The following EPHA5 variants were observed in gnomAD, a reference collection of about 807,000 sequenced individuals.
The protein encoded by EPHA5 is EPH receptor A5, also known as ephrin type-A receptor 5.
A neutral mutation model predicts 105.0 loss-of-function variants in EPHA5; 60 were observed. That is an observed-to-expected ratio of 0.57 (90% confidence interval 0.46 to 0.71). The LOEUF is 0.71. EPHA5 is among the 30% of genes least tolerant of loss of function. The pLI, the probability that EPHA5 is intolerant of heterozygous loss-of-function variation, is 0.00. For missense variants in EPHA5, 1,218 were observed against 1,274.7 expected, an observed-to-expected ratio of 0.96 and a Z score of 0.68; for synonymous variants, 513 against 449.1, an observed-to-expected ratio of 1.14 and a Z score of -1.80.
intron 8 of EPHA5, among the ~76,000 whole-genome samples, chr4:65,390,551 ACCTTACTAACCAT>A (rs1479930913): frequency 6.6e-6 from 1 of 151,934 alleles, no homozygotes; most frequent in African/African-American, 2.4e-5. Flanking sequence ...CTGTGGTCAT[ACCTTACTAACCAT>A]CAGTTAGATG....
intron 2 of EPHA5, among the ~76,000 whole-genome samples, chr4:65,620,240 A>C (rs1745599216): frequency 6.6e-6 from 1 of 151,908 alleles, no homozygotes; most frequent in Non-Finnish European, 1.5e-5. Flanking sequence ...AAAACAATCC[A>C]AAGAAGAAGC....
intron 2 of EPHA5, among the ~76,000 whole-genome samples, chr4:65,624,678 C>T (rs1311806320): frequency 1.3e-5 from 2 of 152,170 alleles, no homozygotes; most frequent in Admixed American, 1.3e-4. Context: ...ACAAAACTCT[C>T]TATTGGATTT....
At chr4:65,582,360 T>C (rs1476574021) in intron 3 of EPHA5, among the ~76,000 whole-genome samples, 5 of 151,464 alleles carry the variant, frequency 3.3e-5, no homozygotes, top group Non-Finnish European at 5.9e-5. Context: ...CGAGGGAAAC[T>C]GTGCATCAGA....
At position 65,527,755 on chromosome 4, in the gene EPHA5, C is replaced by A. The variant is rs114975555; in HGVS notation, c.911-32212G>T. Among the ~76,000 whole-genome samples, 746 of 152,062 alleles carry A rather than the reference C, an allele frequency of 4.9e-3. 4 individuals are homozygous for A. Among genetic ancestry groups the A allele is most frequent in the African/African-American group, 0.017 (710 of 41,508 alleles). ...GTTTGTTACACAGGTAAACTTGTGT[C>A]ATGGAGGGCTATCGTACAGGTCATT... On this transcript the variant is annotated intron_variant, in intron 3 of 16. Coordinates refer to ENST00000613740, the MANE Select transcript of EPHA5 (RefSeq NM_001281766.3).
intron 3 of EPHA5, among the ~76,000 whole-genome samples, chr4:65,585,122 G>T (rs1172786513): frequency 1.4e-5 from 2 of 141,402 alleles, no homozygotes; most frequent in African/African-American, 5.5e-5. Context: ...ATGTGTGTTT[G>T]TGTGTGTGTG....
chr4:65,586,318 A>G (rs1172687248), intron 3 of EPHA5, among the ~76,000 whole-genome samples: 1 of 151,736 alleles, frequency 6.6e-6, no homozygotes, highest in African/African-American at 2.4e-5. Context: ...CCCATATTCA[A>G]GTTATATAAT....
intron 1 of EPHA5, among the ~76,000 whole-genome samples, chr4:65,646,081 A>T (rs1002114519): frequency 2.6e-5 from 4 of 152,208 alleles, no homozygotes; most frequent in Admixed American, 6.5e-5. Context: ...ATTTTAAAAT[A>T]CATATCTTTC....
intron 1 of EPHA5, among the ~76,000 whole-genome samples, chr4:65,658,603 G>T (rs1414119834): frequency 6.6e-6 from 1 of 151,950 alleles, no homozygotes; most frequent in Non-Finnish European, 1.5e-5. Flanking sequence ...GAACTTTTAT[G>T]GAGCACATTA....
intron 5 of EPHA5, among the ~76,000 whole-genome samples, chr4:65,421,527 C>T (rs1723945003): frequency 6.6e-6 from 1 of 152,098 alleles, no homozygotes; most frequent in African/African-American, 2.4e-5. Context: ...TGCTCAATTT[C>T]CCATTATCAC....
intron 5 of EPHA5, among the ~76,000 whole-genome samples, chr4:65,448,134 G>A (rs1320550394): frequency 2.6e-5 from 4 of 151,404 alleles, no homozygotes; most frequent in Non-Finnish European, 4.4e-5. Flanking sequence ...AGAGAAGAAA[G>A]TAAGATGATG....
chr4:65,665,957 G>A (rs533458431), intron 1 of EPHA5, among the ~76,000 whole-genome samples: 6 of 152,088 alleles, frequency 3.9e-5, no homozygotes, highest in Admixed American at 2.0e-4. Context: ...GGGGTCCTGC[G>A]GATTTATCTA....
chr4:65,381,179 A>T (rs1286670498), intron 8 of EPHA5, among the ~76,000 whole-genome samples: 1 of 151,820 alleles, frequency 6.6e-6, no homozygotes, highest in African/African-American at 2.4e-5. Context: ...TATTTGTAAT[A>T]TACATAAGGC....
intron 3 of EPHA5, among the ~76,000 whole-genome samples, chr4:65,550,645 C>T (rs1456699614): frequency 6.6e-6 from 1 of 151,978 alleles, no homozygotes; most frequent in Non-Finnish European, 1.5e-5. Flanking sequence ...ATCATCCTTG[C>T]TAACACGGGT....
intron 2 of EPHA5, among the ~76,000 whole-genome samples, chr4:65,632,792 C>G (rs1359123193): frequency 6.6e-6 from 1 of 151,622 alleles, no homozygotes; most frequent in Non-Finnish European, 1.5e-5. Context: ...TTGATTCATC[C>G]AAAGAAGTAT....
chr4:65,650,559 C>CAAAAGAAAAAA, intron 1 of EPHA5, among the ~76,000 whole-genome samples: 1 of 117,016 alleles, frequency 8.5e-6, no homozygotes, highest in South Asian at 2.8e-4. Flanking sequence ...GACTCAGTCT[C>CAAAAGAAAAAA]AAAAAAAAAA....
intron 5 of EPHA5, among the ~76,000 whole-genome samples, chr4:65,435,328 G>C (rs1725375273): frequency 6.6e-6 from 1 of 151,862 alleles, no homozygotes. Flanking sequence ...CATACATATG[G>C]GCTAAGAATA....
rs73822530 is a variant in EPHA5 at position 65,657,595 on chromosome 4, T to C, written c.181+11967A>G. ...GCAAATCATAGAATCTTTTAGTTGG[T>C]AACTTTTCAGTTTAAGAAAGACTGC... On this transcript the variant is annotated intron_variant, in intron 1 of 16. Transcript: ENST00000613740. Among the ~76,000 whole-genome samples, 110 of 152,292 alleles carry C rather than the reference T, an allele frequency of 7.2e-4. 1 individual carries two copies. Among genetic ancestry groups the C allele is most frequent in the African/African-American group, 2.6e-3 (108 of 41,562 alleles).
intron 5 of EPHA5, among the ~76,000 whole-genome samples, chr4:65,448,643 A>G (rs1375074400): frequency 1.3e-5 from 2 of 152,132 alleles, no homozygotes; most frequent in Non-Finnish European, 2.9e-5. Context: ...GCCAGACTCC[A>G]TCTCGAAAAC....
chr4:65,333,539 CTGTGTGTGTG>C (rs56925203), intron 15 of EPHA5, among the ~76,000 whole-genome samples: 4,416 of 111,764 alleles, frequency 0.04, 145 homozygotes, highest in African/African-American at 0.11. Flanking sequence ...GAGTGTGTGT[CTGTGTGTGTG>C]TGTGTGTGTG....
Sources: allele counts gnomAD v4.1 joint callset (sites outside exome capture counted in the v4.1 genomes callset), GRCh38; gene constraint gnomAD v4.1.1; transcripts MANE v1.5; gene names NCBI Gene and HGNC (gene_info 2026-07-23, HGNC 2026-07-21).